Variants in TANC2 observed in about 807,000 individuals in gnomAD.
The protein encoded by TANC2 is protein TANC2.
TANC2 carries 26 observed loss-of-function variants against 210.5 expected under a neutral mutation model. The ratio of observed to expected loss-of-function variants is 0.12; its 90% CI spans 0.09 to 0.17. The LOEUF (loss-of-function observed/expected upper bound fraction) is 0.17, where lower values mean the gene tolerates loss of function less well. TANC2 is among the 10% of genes least tolerant of loss of function. TANC2 has a pLI of 1.00. For missense variants in TANC2, 2,129 were observed against 2,608.9 expected (o/e 0.82, Z 4.01); for synonymous variants, 931 against 967.1 (o/e 0.96, Z 0.69).
intron 14 of TANC2, among the ~76,000 whole-genome samples, chr17:63,379,424 C>G (rs2047530603): frequency 6.6e-6 from 1 of 152,162 alleles, no homozygotes; most frequent in South Asian, 2.1e-4. Context: ...GCAGCTCATG[C>G]CTTTGGAGGC....
chr17:63,245,772 G>A (rs192455043), intron 8 of TANC2, among the ~76,000 whole-genome samples: 37 of 151,948 alleles, frequency 2.4e-4, no homozygotes, highest in African/African-American at 7.7e-4. Context: ...GAACCCGGGA[G>A]GTGGAGGTTG....
chr17:63,219,665 C>T (rs1416081801), intron 7 of TANC2, among the ~76,000 whole-genome samples: 1 of 152,144 alleles, frequency 6.6e-6, no homozygotes, highest in African/African-American at 2.4e-5. Context: ...CCCACCTCAG[C>T]CTCCCAAAGT....
chr17:63,177,804 C>T (rs1490517429), intron 5 of TANC2, among the ~76,000 whole-genome samples: 1 of 152,170 alleles, frequency 6.6e-6, no homozygotes, highest in Non-Finnish European at 1.5e-5. Context: ...TTAAACTGTA[C>T]AGGCACATTT....
At chr17:63,001,771 C>G (rs985573022) in intron 1 of TANC2, among the ~76,000 whole-genome samples, 3 of 152,076 alleles carry the variant, frequency 2.0e-5, no homozygotes, top group Non-Finnish European at 4.4e-5. Flanking sequence ...TGGTCTTGAA[C>G]TGCTGACCTC....
At chr17:63,153,354 T>C (rs902797258) in intron 5 of TANC2, 1 of 152,206 alleles carries the variant, frequency 6.6e-6, no homozygotes, top group Admixed American at 6.6e-5. Context: ...CTACTAGTGT[T>C]CTGATACCTT....
intron 14 of TANC2, among the ~76,000 whole-genome samples, chr17:63,367,363 T>G (rs933545763): frequency 6.6e-6 from 1 of 152,182 alleles, no homozygotes; most frequent in Non-Finnish European, 1.5e-5. Flanking sequence ...TGGCCCAACA[T>G]AAATTCGTAC....
intron 3 of TANC2, among the ~76,000 whole-genome samples, chr17:63,094,795 A>G (rs2037327217): frequency 6.6e-6 from 1 of 152,194 alleles, no homozygotes; most frequent in African/African-American, 2.4e-5. Flanking sequence ...CTGAATGTCT[A>G]GTCACCAGGT....
intron 9 of TANC2, among the ~76,000 whole-genome samples, chr17:63,293,916 A>G (rs1598793103): frequency 6.6e-6 from 1 of 152,022 alleles, no homozygotes; most frequent in East Asian, 1.9e-4. Context: ...TTTTGTAGAG[A>G]TGAGGTTTTG....
chr17:63,215,073 T>C (rs898797611), intron 7 of TANC2, among the ~76,000 whole-genome samples: 12 of 152,124 alleles, frequency 7.9e-5, no homozygotes, highest in Non-Finnish European at 1.8e-4. Flanking sequence ...GAACAAAAAA[T>C]GTCAAAATAG....
intron 8 of TANC2, among the ~76,000 whole-genome samples, chr17:63,243,467 C>T (rs1469286425): frequency 6.6e-6 from 1 of 152,066 alleles, no homozygotes; most frequent in African/African-American, 2.4e-5. Context: ...TTCACATGTC[C>T]ATCAACAGTG....
chr17:63,421,278 C>T lies in TANC2; in HGVS notation c.5548C>T (p.Pro1850Ser). Reference sequence around the variant, plus strand: ...CAACCCTAACGAAATCAAACCGCACCCGCCAACTCCCAGGCCGTTGCTGCA... The same window carrying T: ...CAACCCTAACGAAATCAAACCGCACTCGCCAACTCCCAGGCCGTTGCTGCA... Residue 1850 changes from proline (P) to serine (S), a missense_variant, in exon 28 of 28, where the codon CCG becomes TCG. Physicochemically the swap from Pro to Ser is moderately conservative, Grantham distance 74. Around this residue, in one of 5 missense-constraint regions of TANC2, gnomAD observed 584 missense variants for 627.3 expected, o/e 0.93. Transcript: ENST00000689528. This position sits in a 1 kb window ranked among gnomAD's most constrained non-coding sequence, Gnocchi z 6.9. 2 of 1,614,050 alleles carry T rather than the reference C, an allele frequency of 1.2e-6. No individual in the cohort carries two copies. The highest frequency in any genetic ancestry group is 2.2e-5 in the East Asian group (1 of 44,886).
chr17:63,207,093 C>T (rs924720060), intron 7 of TANC2, among the ~76,000 whole-genome samples: 1 of 151,802 alleles, frequency 6.6e-6, no homozygotes, highest in Admixed American at 6.6e-5. Context: ...GATTATCATT[C>T]CAGTACTTTC....
At chr17:63,075,477 G>T (rs2036538049) in intron 3 of TANC2, among the ~76,000 whole-genome samples, 1 of 152,184 alleles carries the variant, frequency 6.6e-6, no homozygotes, top group African/African-American at 2.4e-5. Flanking sequence ...GTAAAAGCAT[G>T]TTTCTTAACT....
intron 10 of TANC2, among the ~76,000 whole-genome samples, chr17:63,316,360 T>G (rs2045312967): frequency 6.6e-6 from 1 of 152,184 alleles, no homozygotes; most frequent in Admixed American, 6.5e-5. Context: ...GGTAGAATCA[T>G]GCATGACAGA....
intron 1 of TANC2, among the ~76,000 whole-genome samples, chr17:62,985,319 ACTTTTG>A (rs1460223580): frequency 1.3e-5 from 2 of 151,738 alleles, no homozygotes; most frequent in Non-Finnish European, 2.9e-5. Context: ...TTTTTCTTTT[ACTTTTG>A]ACAATTTGAC....
rs367973706 is a variant in TANC2, at chr17:63,420,591, C to G, written c.4861C>G (p.Arg1621Gly). The G allele has an allele frequency of 6.2e-7, 1 of 1,613,866 alleles. No individual in the cohort carries two copies. The change falls in exon 28 of 28, where the codon CGG (arginine) becomes GGG (glycine). Residue 1621 changes from arginine (R) to glycine (G), a missense_variant. Around this residue, in one of 5 missense-constraint regions of TANC2, gnomAD observed 584 missense variants for 627.3 expected, o/e 0.93. Transcript: ENST00000689528. The surrounding 1 kb of genome is among the most constrained non-coding windows in gnomAD (Gnocchi z 4.2). ...CCCAAGCCCTCCCCCTTCCCCTCTCCGGAGAGGCCCTCAGTATCGGGCCAG... is the reference window on the plus strand; with the variant it reads ...CCCAAGCCCTCCCCCTTCCCCTCTCGGGAGAGGCCCTCAGTATCGGGCCAG...
chr17:63,099,485 C>A, intron 4 of TANC2, 128 bp downstream of exon 4: 2 of 477,142 alleles, frequency 4.2e-6, no homozygotes, highest in South Asian at 5.3e-5. Context: ...GTCACAGACT[C>A]TTGACACTAA....
chr17:63,408,781 G>A (rs2048597399), intron 21 of TANC2, among the ~76,000 whole-genome samples: 1 of 152,200 alleles, frequency 6.6e-6, no homozygotes, highest in Non-Finnish European at 1.5e-5. Context: ...TGCTAAGCTT[G>A]AGCTGACATC....
At chr17:63,362,319 A>G (rs2046988498) in intron 14 of TANC2, among the ~76,000 whole-genome samples, 1 of 152,184 alleles carries the variant, frequency 6.6e-6, no homozygotes, top group East Asian at 1.9e-4. Context: ...GTTCATGGGC[A>G]GGCCTGGAAA....
Sources: allele counts gnomAD v4.1 joint callset (sites outside exome capture counted in the v4.1 genomes callset), GRCh38; gene constraint gnomAD v4.1.1; regional missense constraint gnomAD v4.1.1; non-coding constraint Gnocchi (gnomAD v3.1); transcripts MANE v1.5; gene names NCBI Gene and HGNC (gene_info 2026-07-23, HGNC 2026-07-21).